The following CROT variants were observed in gnomAD, a reference collection of about 807,000 sequenced individuals.
The protein encoded by CROT is carnitine O-octanoyltransferase, also known as peroxisomal carnitine O-octanoyltransferase.
In CROT, 84 loss-of-function variants were observed where a neutral mutation model predicts 89.2. That is an observed-to-expected ratio of 0.94 (90% CI 0.79 to 1.13). The LOEUF (loss-of-function observed/expected upper bound fraction) is 1.13, where lower values mean the gene tolerates loss of function less well. Ranked by LOEUF, CROT falls within the 50% of genes most tolerant of loss-of-function variation. CROT has a pLI of 0.00. For synonymous variants in CROT, 212 were observed against 239.5 expected (o/e 0.89, Z 1.06); for missense variants, 711 against 727.8 (o/e 0.98, Z 0.27).
intron 6 of CROT, among the ~76,000 whole-genome samples, chr7:87,367,010 A>G (rs1806468704): frequency 6.6e-6 from 1 of 152,192 alleles, no homozygotes; most frequent in Non-Finnish European, 1.5e-5. Flanking sequence ...GATATGAGCA[A>G]TCTTCCCATC....
chr7:87,358,422 C>T (rs1381152575), intron 3 of CROT, among the ~76,000 whole-genome samples: 2 of 134,304 alleles, frequency 1.5e-5, no homozygotes, highest in African/African-American at 2.8e-5. Flanking sequence ...GCGGAGCTTG[C>T]AGTGAGCTGA....
intron 7 of CROT, among the ~76,000 whole-genome samples, chr7:87,372,513 C>G (rs1042807102): frequency 7.9e-5 from 12 of 152,136 alleles, no homozygotes; most frequent in African/African-American, 2.9e-4. Flanking sequence ...CTGCATTCAG[C>G]CTGTGACCTA....
At position 87,390,988 on chromosome 7, in the gene CROT, T is replaced by G. The variant is rs74440054; in HGVS notation, c.1302-601T>G. ...GACTTAATAAAGGTTTTTCATGAGG[T>G]TGTAGTCAGTATCAGCCAAGGCTGT... is the stretch of plus-strand genomic sequence containing the variant. On this transcript the variant is annotated intron_variant, in intron 13 of 17. Transcript: ENST00000331536. Among the ~76,000 whole-genome samples, 1,437 of 152,270 alleles carry G rather than the reference T, an allele frequency of 9.4e-3. 25 individuals are homozygous for G. Among genetic ancestry groups the G allele is most frequent in the African/African-American group, 0.033 (1,367 of 41,544 alleles).
chr7:87,393,003 C>G lies in CROT; in HGVS notation c.1654C>G (p.Gln552Glu). The G allele has an allele frequency of 6.2e-7, 1 of 1,613,494 alleles. No homozygotes were observed. The highest frequency in any genetic ancestry group is 8.5e-7 in the Non-Finnish European group (1 of 1,179,630). Reference protein sequence around the residue: ...STSLVGYLRVQGVVVPMVHNG... With the variant: ...STSLVGYLRVEGVVVPMVHNG... ...AAGTCTGGTTGGCTATTTACGAGTC[C>G]AGGGAGTGGTAGTTCCCATGGTACA... Residue 552 changes from glutamine (Q) to glutamate (E), a missense_variant, in exon 17 of 18, where the codon CAG (glutamine) becomes GAG (glutamate). Physicochemically the swap from Gln to Glu is conservative, Grantham distance 29. Coordinates refer to ENST00000331536, the MANE Select transcript of CROT (RefSeq NM_021151.4).
At chr7:87,359,435 T>C in intron 4 of CROT, 105 bp downstream of exon 4, 1 of 1,465,610 alleles carries the variant, frequency 6.8e-7, no homozygotes. Context: ...TTACAGTTAT[T>C]ATTGTTATTT....
At chr7:87,371,686 A>C (rs886313149) in intron 7 of CROT, among the ~76,000 whole-genome samples, 36 of 152,236 alleles carry the variant, frequency 2.4e-4, no homozygotes, top group African/African-American at 8.7e-4. Flanking sequence ...TGGTACTATT[A>C]AACTTAAAAC....
intron 10 of CROT, among the ~76,000 whole-genome samples, chr7:87,379,317 A>G (rs1427245615): frequency 6.6e-6 from 1 of 152,188 alleles, no homozygotes; most frequent in Non-Finnish European, 1.5e-5. Flanking sequence ...ATTGTTATAT[A>G]TGTAACTTGC....
intron 17 of CROT, among the ~76,000 whole-genome samples, chr7:87,393,985 A>G (rs914889721): frequency 6.6e-6 from 1 of 152,216 alleles, no homozygotes; most frequent in Non-Finnish European, 1.5e-5. Context: ...TACAGATACT[A>G]GTCTATTTCA....
intron 3 of CROT, among the ~76,000 whole-genome samples, chr7:87,350,821 C>G (rs889541258): frequency 5.3e-5 from 8 of 152,286 alleles, no homozygotes; most frequent in South Asian, 2.1e-4. Flanking sequence ...TGTCATGTCT[C>G]TCAAGGCATA....
intron 7 of CROT, among the ~76,000 whole-genome samples, chr7:87,373,538 A>G (rs889031700): frequency 2.0e-5 from 3 of 152,124 alleles, no homozygotes; most frequent in Non-Finnish European, 4.4e-5. Context: ...ATCTTTTAAG[A>G]TCTTTTTAAA....
chr7:87,371,397 C>T (rs561779188), intron 7 of CROT, among the ~76,000 whole-genome samples: 2 of 152,132 alleles, frequency 1.3e-5, no homozygotes, highest in Non-Finnish European at 2.9e-5. Context: ...ACATAGAATT[C>T]CATCAAATGG....
chr7:87,382,236 A>T (rs1489402573), intron 12 of CROT, 55 bp downstream of exon 12: 2 of 1,496,656 alleles, frequency 1.3e-6, no homozygotes, highest in Non-Finnish European at 1.8e-6. Flanking sequence ...TAACAACCAT[A>T]TGTAAAAATT....
chr7:87,364,560 G>C (rs1373816696), intron 6 of CROT, among the ~76,000 whole-genome samples: 2 of 152,184 alleles, frequency 1.3e-5, no homozygotes, highest in Non-Finnish European at 2.9e-5. Context: ...TGAAGTGGTG[G>C]TAACATTTGG....
At chr7:87,385,195 T>C (rs1289386099) in intron 13 of CROT, among the ~76,000 whole-genome samples, 1 of 152,052 alleles carries the variant, frequency 6.6e-6, no homozygotes, top group Non-Finnish European at 1.5e-5. Flanking sequence ...TGGTTCCATA[T>C]GAATTTTTGG....
rs376207864 is a variant in CROT, at chr7:87,372,033, A to G, written c.656+2549A>G. The stretch of plus-strand genomic sequence containing the variant: ...AAAAAAAAAAAAACAAAAAAAAGCT[A>G]TATCTAGTCAACTGACAGGTGAAAA... On this transcript the variant is annotated intron_variant, in intron 7 of 17. Transcript: ENST00000331536. 6.8e-4 allele frequency among the ~76,000 whole-genome samples: 103 copies of G among 150,814 alleles called. 3 individuals are homozygous for G. The South Asian group carries it at 0.021, about 31-fold the overall frequency.
chr7:87,392,656 A>T lies in CROT; in HGVS notation c.1504+12A>T. 2 of 1,611,690 alleles carry T rather than the reference A, an allele frequency of 1.2e-6. No individual in the cohort carries two copies. Among genetic ancestry groups the T allele is most frequent in the Non-Finnish European group, 1.7e-6 (2 of 1,178,698 alleles). ...TTCAGCTGGAAAAGGTACTTAAGTTAAAATTTTTCTGACTTAAAAATCTCT... is the reference window on the plus strand; with the variant it reads ...TTCAGCTGGAAAAGGTACTTAAGTTTAAATTTTTCTGACTTAAAAATCTCT... On this transcript the variant is annotated intron_variant, in intron 15 of 17. Coordinates refer to ENST00000331536, the MANE Select transcript of CROT (RefSeq NM_021151.4).
intron 1 of CROT, among the ~76,000 whole-genome samples, chr7:87,346,081 C>T (rs1465489024): frequency 1.3e-5 from 2 of 152,168 alleles, no homozygotes; most frequent in African/African-American, 4.8e-5. Context: ...ACCTGTTACC[C>T]AGCCACTGAA....
rs1383523725 is a variant in CROT at position 87,360,111 on chromosome 7, AAAG to A, written c.240+785_240+787del. ...GTTTTAATTAAAGAGGGGTAAAGGT[AAAG>A]AAGTTGTTGTTTTATCTGTATCTTT... On this transcript the variant is annotated intron_variant, in intron 4 of 17. Coordinates refer to ENST00000331536, the MANE Select transcript of CROT (RefSeq NM_021151.4). 5 of 946,474 alleles carry A rather than the reference AAAG, an allele frequency of 5.3e-6. No homozygotes were observed. The African/African-American group carries it at 8.9e-5, about 17-fold the overall frequency. The allele number at this position is 946,474 out of a possible 1,614,324, so 58.6% of individuals were successfully genotyped here.
In CROT at chr7:87,398,716, G is replaced by A; in HGVS notation, c.*72G>A. 1 of 1,421,844 alleles carries A rather than the reference G, an allele frequency of 7.0e-7. No individual in the cohort carries two copies. The highest frequency in any genetic ancestry group is 2.3e-5 in the East Asian group (1 of 43,098). 88.1% of individuals were successfully genotyped at this position (1,421,844 alleles called of 1,614,324 possible). A position where few individuals can be genotyped will look rare whatever the true frequency, so the allele number is the denominator to read the frequency against. The stretch of plus-strand genomic sequence containing the variant: ...AGTGCTGGGAGTGAGTTGGTAATAT[G>A]AGATGGGAAGGAATGTTGACTTGCT... On this transcript the variant is annotated 3_prime_UTR_variant, in exon 18 of 18. Coordinates refer to ENST00000331536, the MANE Select transcript of CROT (RefSeq NM_021151.4).
Sources: allele counts gnomAD v4.1 joint callset (sites outside exome capture counted in the v4.1 genomes callset), GRCh38; gene constraint gnomAD v4.1.1; transcripts MANE v1.5; gene names NCBI Gene and HGNC (gene_info 2026-07-23, HGNC 2026-07-21).